Variants in HERC1 observed in about 807,000 individuals in gnomAD.
HERC1 encodes the protein HECT and RLD domain containing E3 ubiquitin protein ligase family member 1, also known as probable E3 ubiquitin-protein ligase HERC1.
HERC1 carries 160 observed loss-of-function variants against 554.3 expected under a neutral mutation model. The ratio of observed to expected loss-of-function variants is 0.29; its 90% confidence interval spans 0.25 to 0.33. The LOEUF is 0.33. HERC1 is among the 10% of genes least tolerant of loss of function. The pLI, the probability that HERC1 is intolerant of heterozygous loss-of-function variation, is 1.00. For missense variants in HERC1, 4,919 were observed against 5,918.5 expected (o/e 0.83, Z 5.54); for synonymous variants, 2,175 against 2,131.7 (o/e 1.02, Z -0.56).
chr15:63,825,709 A>G (rs1485422382), intron 1 of HERC1, among the ~76,000 whole-genome samples: 7 of 152,168 alleles, frequency 4.6e-5, no homozygotes, highest in Admixed American at 2.0e-4. Context: ...AGCACTCAGC[A>G]TCTATTTTCC....
intron 25 of HERC1, among the ~76,000 whole-genome samples, chr15:63,704,697 C>T (rs1210412835): frequency 1.3e-5 from 2 of 150,702 alleles, no homozygotes; most frequent in African/African-American, 2.4e-5. Context: ...TTATACTAAA[C>T]ATCACTTAAT....
At chr15:63,675,282 T>C (rs1026774307) in intron 37 of HERC1, 165 bp from the exon 38 acceptor site, 20 of 543,352 alleles carry the variant, frequency 3.7e-5, no homozygotes, top group African/African-American at 1.3e-4. Flanking sequence ...AACGAGTCTA[T>C]TATGAGAAAA....
At chr15:63,795,473 T>C (rs1320849981) in intron 1 of HERC1, among the ~76,000 whole-genome samples, 1 of 152,156 alleles carries the variant, frequency 6.6e-6, no homozygotes, top group Non-Finnish European at 1.5e-5. Flanking sequence ...AATTAACATT[T>C]AATTGGAATT....
chr15:63,609,433 G>T (rs1456754161), intron 77 of HERC1, among the ~76,000 whole-genome samples, 167 bp from the exon 78 acceptor site: 2 of 152,234 alleles, frequency 1.3e-5, no homozygotes, highest in Admixed American at 6.5e-5. Flanking sequence ...AGGCCCTACT[G>T]CCCCGTGGCC....
At position 63,726,466 on chromosome 15, in the gene HERC1, CAAG is replaced by C. The variant is rs550658597; in HGVS notation, c.3347-956_3347-954del. Reference sequence around the variant, plus strand: ...TGGATAAATGATTAATAAAATTACTCAAGAAAAAAAGATGGCACAAATTCAAAA... The same window carrying C: ...TGGATAAATGATTAATAAAATTACTCAAAAAAAGATGGCACAAATTCAAAA... On this transcript the variant is annotated intron_variant, in intron 17 of 77. Coordinates refer to ENST00000443617, the MANE Select transcript of HERC1 (RefSeq NM_003922.4). 4.4e-3 allele frequency among the ~76,000 whole-genome samples: 661 copies of C among 151,788 alleles called. 4 individuals are homozygous for C. Among genetic ancestry groups the C allele is most frequent in the African/African-American group, 0.015 (619 of 41,378 alleles).
chr15:63,632,391 G>A (rs1233180973), intron 68 of HERC1: 6 of 383,122 alleles, frequency 1.6e-5, no homozygotes. Flanking sequence ...AGGACACAGA[G>A]GAGCTCTGAT....
chr15:63,664,631 G>C, intron 42 of HERC1, 37 bp from the exon 43 acceptor site: 2 of 1,593,636 alleles, frequency 1.3e-6, no homozygotes, highest in Non-Finnish European at 1.7e-6. Context: ...CAAAGTTTTT[G>C]AAACCATTAT....
At chr15:63,774,548 T>C in intron 2 of HERC1, 146 bp downstream of exon 2, 1 of 657,562 alleles carries the variant, frequency 1.5e-6, no homozygotes, top group East Asian at 2.8e-5. Context: ...TAAAAGTTTC[T>C]TCACTCCAAG....
chr15:63,683,339 A>G (rs1417865441), intron 34 of HERC1, among the ~76,000 whole-genome samples: 1 of 152,148 alleles, frequency 6.6e-6, no homozygotes, highest in East Asian at 1.9e-4. Flanking sequence ...AAGTGTCTAT[A>G]ACTGGTGGGT....
intron 73 of HERC1, 31 bp downstream of exon 73, chr15:63,623,694 T>A (rs1566947868): frequency 6.2e-7 from 1 of 1,604,736 alleles, no homozygotes; most frequent in Non-Finnish European, 8.5e-7. Flanking sequence ...GCAGACTAGA[T>A]AACTCAGCAG....
chr15:63,804,041 A>C (rs1365175060), intron 1 of HERC1, among the ~76,000 whole-genome samples: 1 of 152,192 alleles, frequency 6.6e-6, no homozygotes, highest in Admixed American at 6.5e-5. Flanking sequence ...GGAAAAGGAT[A>C]ATCTTTTCAA....
Position 63,630,624 on chromosome 15 carries a change from C to G in HERC1, c.12808G>C (p.Gly4270Arg). 2 of 1,610,900 alleles carry G rather than the reference C, an allele frequency of 1.2e-6. No individual in the cohort carries two copies. Among genetic ancestry groups the G allele is most frequent in the Non-Finnish European group, 1.7e-6 (2 of 1,178,776 alleles). The change falls in exon 69 of 78, where the codon GGC becomes CGC. Residue 4270 changes from glycine (G) to arginine (R), a missense_variant. Physicochemically the swap from Gly to Arg is moderately radical, Grantham distance 125. This residue lies in a region of HERC1 where 410 missense variants were observed against 467.0 expected (regional missense o/e 0.88). Transcript: ENST00000443617. The stretch of plus-strand genomic sequence containing the variant: ...TTGCGAGCACGCCCCTCTGGCAAGC[C>G]TATCAGGCGATCTGAAAAAAACAAA... ...VYTFGQDRLIGLPEGRARNHN... is the reference protein window; with the variant it reads ...VYTFGQDRLIRLPEGRARNHN...
intron 14 of HERC1, among the ~76,000 whole-genome samples, chr15:63,732,128 G>A (rs1302831735): frequency 6.6e-6 from 1 of 152,040 alleles, no homozygotes; most frequent in African/African-American, 2.4e-5. Context: ...GGCCTCCTGA[G>A]TAGCTGGGAC....
At position 63,659,605 on chromosome 15, in the gene HERC1, G is replaced by C. The variant is rs78277310; in HGVS notation, c.9424+131C>G. ...AAATGTTAAAACAACTGGCTAAAGAGACTTGTTGGGGTGAGATAATGTTGA... is the reference window on the plus strand; with the variant it reads ...AAATGTTAAAACAACTGGCTAAAGACACTTGTTGGGGTGAGATAATGTTGA... On this transcript the variant is annotated intron_variant, in intron 47 of 77. Transcript: ENST00000443617. The C allele has an allele frequency of 2.2e-3, 1,514 of 693,612 alleles. 21 individuals carry two copies. In the African/African-American group the frequency reaches 0.024, roughly 11 times the overall value. 43.0% of individuals were successfully genotyped at this position (693,612 alleles called of 1,614,324 possible).
intron 24 of HERC1, 56 bp downstream of exon 24, chr15:63,712,719 C>T (rs2073363932): frequency 6.5e-7 from 1 of 1,530,028 alleles, no homozygotes; most frequent in Non-Finnish European, 8.9e-7. Context: ...CAAAGCCTTA[C>T]ATATCATATA....
chr15:63,753,173 T>C, intron 7 of HERC1, 88 bp from the exon 8 acceptor site: 1 of 915,368 alleles, frequency 1.1e-6, no homozygotes. Flanking sequence ...GGAGCTCTAA[T>C]GTTTCCATCA....
Position 63,706,264 on chromosome 15 carries a change from TATCTCTTCATGTAAGAGATAAAGC to T in HERC1, c.4636+492_4636+515del, listed in dbSNP as rs570429158. ...AATATTTTTTATGTAAGAGATATAATATCTCTTCATGTAAGAGATAAAGCATCTCTTACATGCTTTATCTTAATA... is the reference window on the plus strand; with the variant it reads ...AATATTTTTTATGTAAGAGATATAATATCTCTTACATGCTTTATCTTAATA... On this transcript the variant is annotated intron_variant, in intron 25 of 77. Transcript: ENST00000443617. Among the ~76,000 whole-genome samples, 955 of 152,146 alleles carry T rather than the reference TATCTCTTCATGTAAGAGATAAAGC, an allele frequency of 6.3e-3. 14 individuals are homozygous for T. Among genetic ancestry groups the T allele is most frequent in the African/African-American group, 0.022 (921 of 41,526 alleles).
At chr15:63,817,864 G>A (rs2077548185) in intron 1 of HERC1, among the ~76,000 whole-genome samples, 1 of 151,818 alleles carries the variant, frequency 6.6e-6, no homozygotes, top group South Asian at 2.1e-4. Context: ...CTACTTTTAT[G>A]TTAATATATA....
chr15:63,623,950 A>G (rs2068193076), intron 72 of HERC1, 60 bp from the exon 73 acceptor site: 1 of 1,549,754 alleles, frequency 6.5e-7, no homozygotes, highest in Non-Finnish European at 8.8e-7. Flanking sequence ...CCAAAATCAC[A>G]TGATATCTTC....
Sources: gnomAD v4.1 joint callset for allele counts (sites outside exome capture counted in the v4.1 genomes callset) on GRCh38, gnomAD v4.1.1 for gene constraint, gnomAD v4.1.1 regional missense constraint, MANE v1.5 for transcripts, NCBI Gene and HGNC (gene_info 2026-07-23, HGNC 2026-07-21) for gene names.